Variants in FREM1 observed in about 807,000 individuals in gnomAD.
The protein encoded by FREM1 is FRAS1-related extracellular matrix protein 1.
FREM1 carries 220 observed loss-of-function variants against 210.1 expected under a neutral mutation model. That is an observed-to-expected ratio of 1.05 (90% CI 0.94 to 1.17). FREM1 has a LOEUF of 1.17. Ranked by LOEUF, FREM1 falls within the 50% of genes most tolerant of loss-of-function variation. FREM1 has a pLI of 0.00. For synonymous variants in FREM1, 1,189 were observed against 980.2 expected, an observed-to-expected ratio of 1.21 and a Z score of -3.98; for missense variants, 3,454 against 2,675.5, an observed-to-expected ratio of 1.29 and a Z score of -6.42.
intron 35 of FREM1, among the ~76,000 whole-genome samples, 190 bp downstream of exon 35, chr9:14,746,163 A>G (rs1842386920): frequency 6.6e-6 from 1 of 152,216 alleles, no homozygotes; most frequent in Non-Finnish European, 1.5e-5. Context: ...GCACCAACCA[A>G]ATACATTATC....
chr9:14,757,992 G>C (rs1844747363), intron 28 of FREM1, among the ~76,000 whole-genome samples: 1 of 152,166 alleles, frequency 6.6e-6, no homozygotes, highest in South Asian at 2.1e-4. Context: ...CAATTACCTA[G>C]TATTTACTAC....
chr9:14,808,779 T>C (rs545847827), intron 16 of FREM1, among the ~76,000 whole-genome samples: 2 of 152,290 alleles, frequency 1.3e-5, no homozygotes, highest in East Asian at 3.9e-4. Flanking sequence ...ATTCAAAATG[T>C]CCCCAGTTTA....
chr9:14,895,341 C>T (rs1837516801), intron 1 of FREM1, among the ~76,000 whole-genome samples: 1 of 152,110 alleles, frequency 6.6e-6, no homozygotes, highest in Admixed American at 6.5e-5. Flanking sequence ...GTTTCAAAAA[C>T]TATGGTACAC....
intron 16 of FREM1, among the ~76,000 whole-genome samples, chr9:14,811,656 C>T (rs12348554): frequency 0.49 from 73,699 of 151,938 alleles, 18,871 homozygotes; most frequent in South Asian, 0.58. Context: ...TAAAATGTCC[C>T]GAGACATCTG....
At position 14,863,952 on chromosome 9, in the gene FREM1, A is replaced by T. The variant is rs780704961; in HGVS notation, c.235-49T>A. 7 of 1,207,760 alleles carry T rather than the reference A, an allele frequency of 5.8e-6. No individual in the cohort carries two copies. The East Asian group carries it at 1.6e-4, about 28-fold the overall frequency. The allele number at this position is 1,207,760 out of a possible 1,614,324, so 74.8% of individuals were successfully genotyped here. A position where few individuals can be genotyped will look rare whatever the true frequency, so the allele number is the denominator to read the frequency against. On this transcript the variant is annotated intron_variant, in intron 2 of 36. Transcript: ENST00000380880. ...AAATATCTATGAGAAAATTGGTACA[A>T]GATTTAACATTTTGCCAGGAGAGCA...
chr9:14,852,757 C>T (rs186608380), intron 5 of FREM1, among the ~76,000 whole-genome samples: 1 of 152,202 alleles, frequency 6.6e-6, no homozygotes, highest in South Asian at 2.1e-4. Flanking sequence ...TAGCCCATTG[C>T]TGAGAGAACC....
Position 14,841,448 on chromosome 9 carries a change from T to C in FREM1, c.1880A>G (p.Gln627Arg), listed in dbSNP as rs1825684692. The stretch of plus-strand genomic sequence containing the variant: ...AAGTGTTCAGAAACAGTCTCTTACC[T>C]GTGGCACTGAAAGATTTGGAGGTTC... Reference protein sequence around the residue: ...SHEPPNLSVPQVATIHITPVD... With the variant: ...SHEPPNLSVPRVATIHITPVD... The change falls in exon 10 of 37, where the codon CAG (glutamine) becomes CGG (arginine). Residue 627 changes from glutamine (Q) to arginine (R), a missense_variant and splice_region_variant. Coordinates refer to ENST00000380880, the MANE Select transcript of FREM1 (RefSeq NM_001379081.2). 1 of 1,601,896 alleles carries C rather than the reference T, an allele frequency of 6.2e-7. No individual in the cohort carries two copies.
At chr9:14,745,095 G>A (rs751701130) in intron 35 of FREM1, among the ~76,000 whole-genome samples, 10 of 152,076 alleles carry the variant, frequency 6.6e-5, no homozygotes, top group African/African-American at 9.7e-5. Context: ...GGGGAACAAC[G>A]CACAGTGGGG....
Position 14,801,736 on chromosome 9 carries a change from C to A in FREM1, c.3610G>T (p.Asp1204Tyr), listed in dbSNP as rs1817327435. ...GLLIDRGFSKDFSENKQPANP... is the reference protein window; with the variant it reads ...GLLIDRGFSKYFSENKQPANP... ...GCTGGCTGCTTATTCTCAGAGAAGT[C>A]TTTGCTAAACCCCCTATCGATGAGG... Residue 1204 changes from aspartate (D) to tyrosine (Y), a missense_variant, in exon 20 of 37, where the codon GAC becomes TAC. Transcript: ENST00000380880. The A allele has an allele frequency of 6.2e-7, 1 of 1,613,944 alleles. No homozygotes were observed. The highest frequency in any genetic ancestry group is 1.3e-5 in the African/African-American group (1 of 75,040).
rs1818709662 is a variant in FREM1, at chr9:14,808,086, A to G, written c.2942T>C (p.Val981Ala). The change falls in exon 17 of 37, where the codon GTT becomes GCT. Residue 981 changes from valine (V) to alanine (A), a missense_variant. Coordinates refer to ENST00000380880, the MANE Select transcript of FREM1 (RefSeq NM_001379081.2). Reference sequence around the variant, plus strand: ...AAAAGGGCCAGCCTCTCCATCCGAAACCACCAATGTAATGGTGTCAAAACA... The same window carrying G: ...AAAAGGGCCAGCCTCTCCATCCGAAGCCACCAATGTAATGGTGTCAAAACA... Reference protein sequence around the residue: ...MPCFDTITLVVSDGEAGPFVN... With the variant: ...MPCFDTITLVASDGEAGPFVN... 2 of 1,613,290 alleles carry G rather than the reference A, an allele frequency of 1.2e-6. No individual in the cohort carries two copies. The highest frequency in any genetic ancestry group is 1.6e-4 in the Middle Eastern group (1 of 6,084).
chr9:14,824,861 T>C lies in FREM1; in HGVS notation c.2013A>G (p.Ser671=). The change falls in exon 11 of 37, where the codon TCA becomes TCG. Residue 671 remains serine, a synonymous_variant. Transcript: ENST00000380880. ...ITKKQLHFID[S]ESYDRELVYT... ...AGACCAGCTCCCTGTCATATGATTC[T>C]GAATCTATAAAATGTAGCTGTTTCT... is the stretch of plus-strand genomic sequence containing the variant. 1.2e-6 allele frequency: 2 copies of C among 1,613,546 alleles called. No individual in the cohort carries two copies. Among genetic ancestry groups the C allele is most frequent in the South Asian group, 2.2e-5 (2 of 91,014 alleles).
intron 10 of FREM1, among the ~76,000 whole-genome samples, chr9:14,829,306 A>C (rs1008138644): frequency 6.6e-6 from 1 of 152,174 alleles, no homozygotes; most frequent in South Asian, 2.1e-4. Context: ...AAAAGCTATT[A>C]ATTACTGTCT....
intron 5 of FREM1, among the ~76,000 whole-genome samples, chr9:14,852,861 T>A (rs141491760): frequency 6.6e-6 from 1 of 152,236 alleles, no homozygotes; most frequent in African/African-American, 2.4e-5. Flanking sequence ...ATGCTAAAGT[T>A]CCAATAAAAG....
intron 1 of FREM1, among the ~76,000 whole-genome samples, chr9:14,871,287 C>T (rs1832626567): frequency 6.6e-6 from 1 of 152,180 alleles, no homozygotes; most frequent in Non-Finnish European, 1.5e-5. Flanking sequence ...TAAAAGTTTT[C>T]CTATTTCTCC....
At chr9:14,890,861 C>G (rs1836695834) in intron 1 of FREM1, among the ~76,000 whole-genome samples, 1 of 152,198 alleles carries the variant, frequency 6.6e-6, no homozygotes, top group African/African-American at 2.4e-5. Context: ...CTTAAACCAT[C>G]AAAAACATTT....
At chr9:14,813,855 C>G (rs923486657) in intron 15 of FREM1, among the ~76,000 whole-genome samples, 1 of 152,160 alleles carries the variant, frequency 6.6e-6, no homozygotes, top group Non-Finnish European at 1.5e-5. Context: ...TCCTCTCAAC[C>G]CTACACCTTC....
At chr9:14,793,914 T>C (rs1851871739) in intron 21 of FREM1, among the ~76,000 whole-genome samples, 1 of 152,180 alleles carries the variant, frequency 6.6e-6, no homozygotes, top group Non-Finnish European at 1.5e-5. Flanking sequence ...ACCTCTTTAC[T>C]AGAGAATGGG....
In FREM1 at chr9:14,842,648, A is replaced by C; in HGVS notation, c.1406T>G (p.Phe469Cys). Residue 469 changes from phenylalanine to cysteine, a missense_variant, in exon 9 of 37, where the codon TTT becomes TGT. Coordinates refer to ENST00000380880, the MANE Select transcript of FREM1 (RefSeq NM_001379081.2). ...GWLTLRGGKG[F>C]LFTVADLQAG... ...CTGGAGGTCAGCCACGGTGAAGAGA[A>C]ACCCTTTCCCCCCTGAGGGAGAGAG... 6.2e-7 allele frequency: 1 copy of C among 1,613,258 alleles called. No individual in the cohort carries two copies. Among genetic ancestry groups the C allele is most frequent in the Non-Finnish European group, 8.5e-7 (1 of 1,179,486 alleles).
At chr9:14,910,505 G>A, upstream of FREM1, 1 of 152,944 alleles carries the variant, frequency 6.5e-6, no homozygotes, top group Non-Finnish European at 1.5e-5. Flanking sequence ...TCAGACACAG[G>A]CACACACACA....
Sources: allele counts gnomAD v4.1 joint callset (sites outside exome capture counted in the v4.1 genomes callset), GRCh38; gene constraint gnomAD v4.1.1; transcripts MANE v1.5; gene names NCBI Gene and HGNC (gene_info 2026-07-23, HGNC 2026-07-21).